FGF12: variants seen among roughly 807,000 people sequenced by gnomAD.
FGF12 encodes fibroblast growth factor 12, also known as fibroblast growth factor 12B.
A neutral mutation model predicts 23.6 loss-of-function variants in FGF12; 14 were observed. The ratio of observed to expected loss-of-function variants is 0.59; its 90% CI spans 0.39 to 0.93. FGF12 has a LOEUF of 0.93. FGF12 is among the 40% of genes least tolerant of loss of function. The pLI, the probability that FGF12 is intolerant of heterozygous loss-of-function variation, is 0.00. For missense variants in FGF12, 175 were observed against 217.8 expected, an observed-to-expected ratio of 0.80 and a Z score of 1.24; for synonymous variants, 62 against 77.3, an observed-to-expected ratio of 0.80 and a Z score of 1.04.
chr3:192,154,929 A>G (rs919682746), intron 5 of FGF12, among the ~76,000 whole-genome samples: 1 of 132,640 alleles, frequency 7.5e-6, no homozygotes, highest in Non-Finnish European at 1.7e-5. Flanking sequence ...GCCGCCTTGC[A>G]GTTTGATCTC....
Position 192,183,802 on chromosome 3 carries a change from C to T in FGF12, c.229-13146G>A, listed in dbSNP as rs77560408. On this transcript the variant is annotated intron_variant, in intron 4 of 5. Coordinates refer to ENST00000445105, the MANE Select transcript of FGF12 (RefSeq NM_004113.6). ...GGAATTAACCCGATCAAGACCATGG[C>T]GCTAAATAACAGCAGAATAAGGATT... is the stretch of plus-strand genomic sequence containing the variant. Among the ~76,000 whole-genome samples the T allele has an allele frequency of 3.3e-3, 509 of 152,260 alleles. 8 individuals carry two copies. Among genetic ancestry groups the T allele is most frequent in the East Asian group, 0.031 (163 of 5,188 alleles).
rs370317111 is a variant in FGF12 at position 192,537,950 on chromosome 3, C to CTTTTTTTT, written c.14-177420_14-177413dup. On this transcript the variant is annotated intron_variant, in intron 2 of 5. Transcript: ENST00000445105. Reference sequence around the variant, plus strand: ...AAGGTCTTAGATTTAAGCCTTTAACCTTTTTTTTTTTTTGAGATGGAGTTT... The same window carrying CTTTTTTTT: ...AAGGTCTTAGATTTAAGCCTTTAACCTTTTTTTTTTTTTTTTTTTTTGAGATGGAGTTT... Among the ~76,000 whole-genome samples, 1,147 of 121,280 alleles carry CTTTTTTTT rather than the reference C, an allele frequency of 9.5e-3. 74 individuals carry two copies. The highest frequency in any genetic ancestry group is 0.032 in the African/African-American group (1,078 of 33,630). The allele number at this position is 121,280 out of a possible 152,430, so 79.6% of individuals were successfully genotyped here. A position where few individuals can be genotyped will look rare whatever the true frequency, so the allele number is the denominator to read the frequency against.
intron 2 of FGF12, among the ~76,000 whole-genome samples, chr3:192,496,309 A>C (rs1241934710): frequency 2.6e-5 from 4 of 152,102 alleles, no homozygotes; most frequent in Admixed American, 1.3e-4. Flanking sequence ...AAATATAAAT[A>C]CAGAACCTTT....
intron 2 of FGF12, among the ~76,000 whole-genome samples, chr3:192,579,243 A>T (rs1231336914): frequency 2.0e-5 from 3 of 152,160 alleles, no homozygotes; most frequent in African/African-American, 7.2e-5. Flanking sequence ...CCTGTTTCCA[A>T]TAAAGAAAAT....
intron 4 of FGF12, among the ~76,000 whole-genome samples, chr3:192,251,074 G>A (rs1029318103): frequency 2.0e-5 from 3 of 152,128 alleles, no homozygotes; most frequent in Non-Finnish European, 4.4e-5. Context: ...AGCTGATCGT[G>A]AGTCAATAAT....
chr3:192,316,800 C>T (rs1345614484), intron 4 of FGF12, among the ~76,000 whole-genome samples: 1 of 152,198 alleles, frequency 6.6e-6, no homozygotes, highest in Admixed American at 6.5e-5. Context: ...CCTCCCCCAA[C>T]CCCAGGCAGT....
At chr3:192,492,050 A>T (rs1192142567) in intron 2 of FGF12, among the ~76,000 whole-genome samples, 1 of 152,126 alleles carries the variant, frequency 6.6e-6, no homozygotes, top group African/African-American at 2.4e-5. Context: ...ACAGACTTAA[A>T]TCTCCTAAAC....
chr3:192,429,279 G>C (rs553734709), intron 2 of FGF12, among the ~76,000 whole-genome samples: 1 of 152,226 alleles, frequency 6.6e-6, no homozygotes, highest in African/African-American at 2.4e-5. Context: ...ACCACTTAAA[G>C]ACTGGCTTGT....
intron 2 of FGF12, among the ~76,000 whole-genome samples, chr3:192,581,189 G>A (rs73203355): frequency 2.6e-5 from 4 of 151,846 alleles, no homozygotes; most frequent in Non-Finnish European, 5.9e-5. Context: ...CAATGATGTG[G>A]GCCAATAAAC....
At chr3:192,661,196 G>A (rs1013817730) in intron 2 of FGF12, among the ~76,000 whole-genome samples, 4 of 152,070 alleles carry the variant, frequency 2.6e-5, no homozygotes, top group Admixed American at 2.6e-4. Context: ...ATCCTACCCT[G>A]GAATTGGAAA....
At chr3:192,725,772 G>A (rs1719193314) in intron 2 of FGF12, among the ~76,000 whole-genome samples, 1 of 151,946 alleles carries the variant, frequency 6.6e-6, no homozygotes, top group Non-Finnish European at 1.5e-5. Context: ...TTAACCTTAT[G>A]TCCCAGAAAT....
chr3:192,394,537 C>G (rs998412724), intron 2 of FGF12, among the ~76,000 whole-genome samples: 4 of 151,990 alleles, frequency 2.6e-5, no homozygotes, highest in African/African-American at 4.8e-5. Flanking sequence ...AAATATACAT[C>G]AAGAATAATA....
chr3:192,207,915 C>T (rs1717737954), intron 4 of FGF12, among the ~76,000 whole-genome samples: 1 of 152,156 alleles, frequency 6.6e-6, no homozygotes, highest in South Asian at 2.1e-4. Context: ...AAACCACACT[C>T]ACAAAGCTAA....
intron 2 of FGF12, among the ~76,000 whole-genome samples, chr3:192,695,543 G>A (rs1262192940): frequency 6.6e-6 from 1 of 152,100 alleles, no homozygotes; most frequent in Non-Finnish European, 1.5e-5. Context: ...TAGGTTCACA[G>A]GAAATGTCTT....
intron 4 of FGF12, among the ~76,000 whole-genome samples, chr3:192,205,002 C>T (rs1188638418): frequency 2.0e-5 from 3 of 152,178 alleles, no homozygotes; most frequent in African/African-American, 7.2e-5. Flanking sequence ...CTTCCTTAGA[C>T]TTGGTCACTA....
At chr3:192,581,839 T>C (rs1713168938) in intron 2 of FGF12, among the ~76,000 whole-genome samples, 1 of 152,304 alleles carries the variant, frequency 6.6e-6, no homozygotes, top group African/African-American at 2.4e-5. Context: ...CTGAGCACAG[T>C]TATCTCTAAA....
At chr3:192,178,390 C>T (rs1165737295) in intron 4 of FGF12, among the ~76,000 whole-genome samples, 2 of 152,140 alleles carry the variant, frequency 1.3e-5, no homozygotes, top group African/African-American at 4.8e-5. Context: ...GTAATTATGA[C>T]TAATGACTCT....
At chr3:192,663,167 T>C (rs566300423) in intron 2 of FGF12, among the ~76,000 whole-genome samples, 1 of 152,362 alleles carries the variant, frequency 6.6e-6, no homozygotes, top group East Asian at 1.9e-4. Context: ...AAGTGCTTTG[T>C]AAATGCGTAG....
intron 2 of FGF12, among the ~76,000 whole-genome samples, chr3:192,583,047 G>C (rs540647524): frequency 2.0e-5 from 3 of 152,040 alleles, no homozygotes; most frequent in African/African-American, 7.3e-5. Flanking sequence ...CTTTCTTCAA[G>C]AGCTAGGTCA....
Sources: allele counts gnomAD v4.1 joint callset (sites outside exome capture counted in the v4.1 genomes callset), GRCh38; gene constraint gnomAD v4.1.1; transcripts MANE v1.5; gene names NCBI Gene and HGNC (gene_info 2026-07-23, HGNC 2026-07-21).